NFIB: variants seen among roughly 807,000 people sequenced by gnomAD.
NFIB encodes nuclear factor 1 B-type.
A neutral mutation model predicts 61.5 loss-of-function variants in NFIB; 11 were observed. The ratio of observed to expected loss-of-function variants is 0.18; its 90% confidence interval spans 0.11 to 0.30. The LOEUF is 0.30. NFIB is among the 10% of genes least tolerant of loss of function. NFIB has a pLI of 1.00. For missense variants in NFIB, 471 were observed against 608.9 expected (o/e 0.77, Z 2.38); for synonymous variants, 260 against 216.5 (o/e 1.20, Z -1.76).
chr9:14,201,699 T>G (rs1192196574), intron 2 of NFIB, among the ~76,000 whole-genome samples: 1 of 152,116 alleles, frequency 6.6e-6, no homozygotes. Context: ...TGAATAATTT[T>G]GGGAATCTAT....
chr9:14,212,650 CAT>C (rs2050436695), intron 2 of NFIB, among the ~76,000 whole-genome samples: 1 of 142,886 alleles, frequency 7.0e-6, no homozygotes, highest in Non-Finnish European at 1.5e-5. Context: ...AAAAAAAAAA[CAT>C]GTTTAAAACT....
At chr9:14,233,106 T>C (rs942011139) in intron 2 of NFIB, among the ~76,000 whole-genome samples, 2 of 152,346 alleles carry the variant, frequency 1.3e-5, no homozygotes, top group Admixed American at 6.5e-5. Flanking sequence ...TAACTCGTGG[T>C]ACCTCCTAAA....
At chr9:14,240,918 G>C (rs1033757859) in intron 2 of NFIB, among the ~76,000 whole-genome samples, 1 of 152,182 alleles carries the variant, frequency 6.6e-6, no homozygotes, top group African/African-American at 2.4e-5. Flanking sequence ...GGAGCTCTGA[G>C]GTTAGAAAGC....
intron 1 of NFIB, among the ~76,000 whole-genome samples, chr9:14,392,578 A>C (rs913333809): frequency 6.6e-6 from 1 of 152,068 alleles, no homozygotes; most frequent in Non-Finnish European, 1.5e-5. Context: ...AAGTACAAAA[A>C]TTATTCAGGT....
chr9:14,473,575 C>G, the NFIB span, among the ~76,000 whole-genome samples: 3 of 152,190 alleles, frequency 2.0e-5, no homozygotes, highest in African/African-American at 7.2e-5. Context: ...AACATCACAG[C>G]CCTGCAAGAC....
the NFIB span, among the ~76,000 whole-genome samples, chr9:14,420,809 G>A: frequency 6.6e-6 from 1 of 152,156 alleles, no homozygotes; most frequent in Admixed American, 6.6e-5. Flanking sequence ...GAAATGGGTT[G>A]CAGAATTACT....
intron 1 of NFIB, among the ~76,000 whole-genome samples, chr9:14,383,053 G>C (rs942593125): frequency 6.6e-6 from 1 of 150,584 alleles, no homozygotes; most frequent in Non-Finnish European, 1.5e-5. Flanking sequence ...GAACTCTTAA[G>C]AGAAGGATTA....
intron 2 of NFIB, among the ~76,000 whole-genome samples, chr9:14,274,550 T>G (rs2057864946): frequency 6.6e-6 from 1 of 152,172 alleles, no homozygotes; most frequent in African/African-American, 2.4e-5. Context: ...AAAGGGAAGT[T>G]AGAAGCATTC....
At chr9:14,378,545 C>T (rs562612995) in intron 1 of NFIB, among the ~76,000 whole-genome samples, 32 of 152,158 alleles carry the variant, frequency 2.1e-4, no homozygotes, top group Non-Finnish European at 2.5e-4. Context: ...TTAGTAGAGA[C>T]GGGGTTTCAC....
the NFIB span, among the ~76,000 whole-genome samples, chr9:14,408,206 G>C: frequency 6.6e-6 from 1 of 152,156 alleles, no homozygotes; most frequent in South Asian, 2.1e-4. Context: ...CGGGAGCTGG[G>C]CCTCATGGAT....
chr9:14,456,079 A>T, the NFIB span, among the ~76,000 whole-genome samples: 1 of 152,174 alleles, frequency 6.6e-6, no homozygotes, highest in East Asian at 1.9e-4. Flanking sequence ...AAATGGATCA[A>T]AGCATTGAAT....
intron 1 of NFIB, among the ~76,000 whole-genome samples, chr9:14,322,780 AGCGTGGGTGGGT>A (rs1054866380): frequency 6.0e-5 from 9 of 149,798 alleles, no homozygotes; most frequent in Non-Finnish European, 1.3e-4. Flanking sequence ...GCCCCTCTCG[AGCGTGGGTGGGT>A]GCGTGGGTAG....
the NFIB span, among the ~76,000 whole-genome samples, chr9:14,481,376 A>C: frequency 6.7e-6 from 1 of 149,334 alleles, no homozygotes; most frequent in Non-Finnish European, 1.5e-5. Context: ...TCCCTGTCTC[A>C]CTTCCCCATT....
chr9:14,262,470 G>T (rs1247569054), intron 2 of NFIB, among the ~76,000 whole-genome samples: 2 of 152,144 alleles, frequency 1.3e-5, no homozygotes, highest in Non-Finnish European at 2.9e-5. Context: ...TATCATTTTT[G>T]ACTGATCCAA....
intron 1 of NFIB, among the ~76,000 whole-genome samples, chr9:14,341,957 T>A (rs1300093593): frequency 7.1e-6 from 1 of 141,496 alleles, no homozygotes; most frequent in African/African-American, 2.6e-5. Context: ...AAAAAAAAAA[T>A]CAGTCATTTT....
chr9:14,119,396 CT>C (rs2038623710), intron 8 of NFIB, among the ~76,000 whole-genome samples: 1 of 152,014 alleles, frequency 6.6e-6, no homozygotes, highest in Non-Finnish European at 1.5e-5. Flanking sequence ...GTAATGATAA[CT>C]TTTTAAGTAA....
At chr9:14,337,389 G>A (rs2060897330) in intron 1 of NFIB, among the ~76,000 whole-genome samples, 2 of 152,116 alleles carry the variant, frequency 1.3e-5, no homozygotes, top group Admixed American at 1.3e-4. Context: ...CAAAAGTGCT[G>A]AAATCAAAAT....
At chr9:14,214,803 G>A (rs1249008947) in intron 2 of NFIB, among the ~76,000 whole-genome samples, 1 of 152,116 alleles carries the variant, frequency 6.6e-6, no homozygotes, top group Non-Finnish European at 1.5e-5. Context: ...TGAATATCCT[G>A]CTGAGAGCTG....
rs117075093 is a variant in NFIB at position 14,174,450 on chromosome 9, G to A, written c.616+5277C>T. Among the ~76,000 whole-genome samples, 8 of 152,232 alleles carry A rather than the reference G, an allele frequency of 5.3e-5. No individual in the cohort carries two copies. The East Asian group carries it at 1.5e-3, about 29-fold the overall frequency. ...ATGGACACAATAAATGAGGACATGAGAAGGAATAGACATGAATTTATTAAG... is the reference window on the plus strand; with the variant it reads ...ATGGACACAATAAATGAGGACATGAAAAGGAATAGACATGAATTTATTAAG... On this transcript the variant is annotated intron_variant, in intron 3 of 10. Transcript: ENST00000380953.
Sources: gnomAD v4.1 joint callset for allele counts (sites outside exome capture counted in the v4.1 genomes callset) on GRCh38, gnomAD v4.1.1 for gene constraint, MANE v1.5 for transcripts, NCBI Gene and HGNC (gene_info 2026-07-23, HGNC 2026-07-21) for gene names.